ARHGEF3: variants seen among roughly 807,000 people sequenced by gnomAD.
ARHGEF3 encodes the protein 59.8 kDA protein.
Under a neutral mutation model 63.2 loss-of-function variants are expected in ARHGEF3, and 28 were observed. That is an observed-to-expected ratio of 0.44 (90% CI 0.33 to 0.61). The LOEUF is 0.61. ARHGEF3 is among the 20% of genes least tolerant of loss of function. ARHGEF3 has a pLI of 0.03. For synonymous variants in ARHGEF3, 266 were observed against 254.2 expected (o/e 1.05, Z -0.44); for missense variants, 533 against 659.3 (o/e 0.81, Z 2.10).
Position 56,820,990 on chromosome 3 carries a change from C to CAAA in ARHGEF3, c.193-47177_193-47175dup, listed in dbSNP as rs3034858. Reference sequence around the variant, plus strand: ...GCAGCATGGTGAAACTCCACCTCTACAAAAAAAAAAAAATACAAAACATTA... The same window carrying CAAA: ...GCAGCATGGTGAAACTCCACCTCTACAAAAAAAAAAAAAAAATACAAAACATTA... On this transcript the variant is annotated intron_variant, in intron 4 of 12. Transcript: ENST00000338458. Among the ~76,000 whole-genome samples the CAAA allele has an allele frequency of 1.2e-3, 163 of 131,944 alleles. 2 individuals carry two copies. Among genetic ancestry groups the CAAA allele is most frequent in the African/African-American group, 3.4e-3 (122 of 35,616 alleles). The allele number at this position is 131,944 out of a possible 152,430, so 86.6% of individuals were successfully genotyped here.
In ARHGEF3 at chr3:56,775,370, T is replaced by C. The variant is rs757129908; in HGVS notation, c.97-1554A>G. The C allele has an allele frequency of 4.5e-5, 48 of 1,057,928 alleles. No individual in the cohort carries two copies. In the East Asian group the frequency reaches 1.3e-3, roughly 29 times the overall value. 65.5% of individuals were successfully genotyped at this position (1,057,928 alleles called of 1,614,324 possible). A position where few individuals can be genotyped will look rare whatever the true frequency, so the allele number is the denominator to read the frequency against. ...CTCCAAGCTTTCCAGCATTTGCATA[T>C]AAAAATTTAAAAACTTAAAAAGAAA... On this transcript the variant is annotated intron_variant, in intron 1 of 9. Coordinates refer to ENST00000296315, the MANE Select transcript of ARHGEF3 (RefSeq NM_019555.3).
intron 3 of ARHGEF3, among the ~76,000 whole-genome samples, chr3:56,955,842 G>C (rs1287403130): frequency 2.6e-5 from 4 of 152,178 alleles, no homozygotes; most frequent in Non-Finnish European, 4.4e-5. Flanking sequence ...CTGGGAGTGA[G>C]GGTGTTTCCA....
At chr3:56,909,204 T>C (rs984728808) in intron 3 of ARHGEF3, among the ~76,000 whole-genome samples, 2 of 152,222 alleles carry the variant, frequency 1.3e-5, no homozygotes, top group African/African-American at 2.4e-5. Context: ...TTCATAACTA[T>C]GTGCAGTTTT....
At chr3:56,909,857 T>C (rs964535046) in intron 3 of ARHGEF3, among the ~76,000 whole-genome samples, 2 of 152,118 alleles carry the variant, frequency 1.3e-5, no homozygotes, top group Non-Finnish European at 2.9e-5. Flanking sequence ...TCAGCAAATA[T>C]TTATGCCTTT....
At chr3:56,766,958 G>A (rs2035735815) in intron 2 of ARHGEF3, among the ~76,000 whole-genome samples, 1 of 152,170 alleles carries the variant, frequency 6.6e-6, no homozygotes, top group African/African-American at 2.4e-5. Context: ...TCAACAACAG[G>A]AGAGTGATTA....
At chr3:57,016,951 C>T (rs1358957764) in intron 2 of ARHGEF3, among the ~76,000 whole-genome samples, 5 of 150,992 alleles carry the variant, frequency 3.3e-5, no homozygotes, top group Non-Finnish European at 7.4e-5. Flanking sequence ...TCTCAGTCCC[C>T]GAAACAAGAC....
chr3:56,807,077 G>A (rs777426722), intron 4 of ARHGEF3, among the ~76,000 whole-genome samples: 8 of 151,970 alleles, frequency 5.3e-5, no homozygotes, highest in Non-Finnish European at 1.0e-4. Context: ...TAGAGACGGG[G>A]TTTCACCATG....
chr3:56,944,568 C>CTTTT (rs1205155655), intron 3 of ARHGEF3, among the ~76,000 whole-genome samples: 714 of 65,756 alleles, frequency 0.011, 31 homozygotes, highest in Admixed American at 0.058. Flanking sequence ...AAAGTGGTTT[C>CTTTT]TTTTTTTTTT....
intron 2 of ARHGEF3, among the ~76,000 whole-genome samples, chr3:56,979,573 C>A (rs538978405): frequency 7.9e-5 from 12 of 152,210 alleles, no homozygotes; most frequent in African/African-American, 2.7e-4. Flanking sequence ...GTGAGCAAGG[C>A]CCTCACTAGG....
intron 2 of ARHGEF3, among the ~76,000 whole-genome samples, chr3:57,014,087 C>T (rs753390557): frequency 3.9e-5 from 6 of 152,144 alleles, no homozygotes; most frequent in Admixed American, 1.3e-4. Context: ...ACCACGAACC[C>T]GCCAGGAGGA....
In ARHGEF3 at chr3:56,737,278, C is replaced by G. The variant is rs1475575741; in HGVS notation, c.948G>C (p.Arg316=). 1 of 1,613,566 alleles carries G rather than the reference C, an allele frequency of 6.2e-7. No homozygotes were observed. Among genetic ancestry groups the G allele is most frequent in the African/African-American group, 1.3e-5 (1 of 74,896 alleles). The part of the protein sequence containing the change: ...GESECRYYKE[R]LLYLEEGQKD... ...TCTGGCCTTCTTCCAAGTAAAGAAG[C>G]CGCTCTTTATAATAGCGGCATTCAG... is the stretch of plus-strand genomic sequence containing the variant. The change falls in exon 8 of 10, where the codon CGG becomes CGC. Residue 316 remains arginine, a synonymous_variant. Transcript: ENST00000296315.
At chr3:56,749,222 T>A (rs1379918721) in intron 6 of ARHGEF3, among the ~76,000 whole-genome samples, 1 of 152,212 alleles carries the variant, frequency 6.6e-6, no homozygotes, top group South Asian at 2.1e-4. Context: ...TCATTTGATG[T>A]CTGAAGCATC....
At chr3:56,757,741 G>A (rs1260927260) in intron 2 of ARHGEF3, among the ~76,000 whole-genome samples, 1 of 147,156 alleles carries the variant, frequency 6.8e-6, no homozygotes, top group Non-Finnish European at 1.5e-5. Context: ...TTTTTGTTTT[G>A]AGATGGAGTC....
intron 2 of ARHGEF3, among the ~76,000 whole-genome samples, chr3:56,959,073 T>C (rs1700168194): frequency 6.6e-6 from 1 of 152,060 alleles, no homozygotes; most frequent in Non-Finnish European, 1.5e-5. Context: ...CCTTCTCAGT[T>C]CCCCAGCAGG....
chr3:56,948,842 C>G (rs1298726694), intron 3 of ARHGEF3, among the ~76,000 whole-genome samples: 1 of 151,592 alleles, frequency 6.6e-6, no homozygotes, highest in Non-Finnish European at 1.5e-5. Flanking sequence ...AGAATTTAGA[C>G]CAATATCCCT....
intron 3 of ARHGEF3, among the ~76,000 whole-genome samples, chr3:56,900,645 C>A (rs923106127): frequency 2.0e-5 from 3 of 152,152 alleles, no homozygotes; most frequent in South Asian, 4.2e-4. Context: ...AACACCACCA[C>A]CAACGGTTAA....
At chr3:56,828,285 C>T (rs1202924232) in intron 4 of ARHGEF3, among the ~76,000 whole-genome samples, 1 of 151,960 alleles carries the variant, frequency 6.6e-6, no homozygotes, top group South Asian at 2.1e-4. Context: ...CCTGTAATCC[C>T]AGTACTTTGG....
At chr3:57,002,487 A>ATATATATGT (rs1702265179) in intron 2 of ARHGEF3, among the ~76,000 whole-genome samples, 1 of 49,990 alleles carries the variant, frequency 2.0e-5, no homozygotes, top group Admixed American at 2.5e-4. Context: ...TGTTATATAT[A>ATATATATGT]TATATATATG....
At chr3:57,035,146 C>G in exon 2 of ARHGEF3, 1 of 1,537,664 alleles carries the variant, frequency 6.5e-7, no homozygotes, top group Non-Finnish European at 8.8e-7. Flanking sequence ...GTGGAACTGT[C>G]CATAGACTCA....
Sources: gnomAD v4.1 joint callset for allele counts (sites outside exome capture counted in the v4.1 genomes callset) on GRCh38, gnomAD v4.1.1 for gene constraint, MANE v1.5 for transcripts, NCBI Gene and HGNC (gene_info 2026-07-23, HGNC 2026-07-21) for gene names.